EXPH5: variants seen among roughly 807,000 people sequenced by gnomAD.
EXPH5 encodes the protein exophilin 5.
In EXPH5, 42 loss-of-function variants were observed where a neutral mutation model predicts 41.1. That is an observed-to-expected ratio of 1.02 (90% CI 0.80 to 1.32). EXPH5 has a LOEUF of 1.32. EXPH5 is among the 40% of genes most tolerant of loss of function. The pLI, the probability that EXPH5 is intolerant of heterozygous loss-of-function variation, is 0.00. For missense variants in EXPH5, 2,298 were observed against 2,314.5 expected, an observed-to-expected ratio of 0.99 and a Z score of 0.15; for synonymous variants, 798 against 833.5, an observed-to-expected ratio of 0.96 and a Z score of 0.73.
chr11:108,587,138 G>A (rs927549996), intron 1 of EXPH5, among the ~76,000 whole-genome samples: 3 of 151,974 alleles, frequency 2.0e-5, no homozygotes, highest in East Asian at 1.9e-4. Flanking sequence ...TTATTATTAC[G>A]ATACTTTAAG....
intron 3 of EXPH5, among the ~76,000 whole-genome samples, chr11:108,533,771 T>TC (rs1372855005): frequency 6.6e-6 from 1 of 152,088 alleles, no homozygotes; most frequent in Non-Finnish European, 1.5e-5. Context: ...AATTGCACCC[T>TC]CCCCTCTTCA....
intron 4 of EXPH5, among the ~76,000 whole-genome samples, chr11:108,518,866 A>T (rs1000126640): frequency 6.6e-6 from 1 of 152,210 alleles, no homozygotes; most frequent in Non-Finnish European, 1.5e-5. Flanking sequence ...GATGGCAACA[A>T]GACTGACCTC....
At position 108,513,666 on chromosome 11, in the gene EXPH5, G is replaced by C. The variant is rs143161557; in HGVS notation, c.1841C>G (p.Ala614Gly). Reference sequence around the variant, plus strand: ...AGTCTGAGCAATTCCAAATGAGGAAGCTTCTTTGTTTATATGTACTTCTAC... The same window carrying C: ...AGTCTGAGCAATTCCAAATGAGGAACCTTCTTTGTTTATATGTACTTCTAC... ...SPVEVHINKE[A>G]SSFGIAQTLA... is the part of the protein sequence containing the mutation. The change falls in exon 6 of 6, where the codon GCT (alanine) becomes GGT (glycine). Residue 614 changes from alanine to glycine, a missense_variant. Physicochemically the swap from Ala to Gly is moderately conservative, Grantham distance 60. Transcript: ENST00000265843. 1.9e-6 allele frequency: 3 copies of C among 1,611,264 alleles called. No individual in the cohort carries two copies. The highest frequency in any genetic ancestry group is 2.5e-6 in the Non-Finnish European group (3 of 1,179,154).
chr11:108,596,818 G>A (rs1035098001), upstream of EXPH5, among the ~76,000 whole-genome samples: 4 of 152,182 alleles, frequency 2.6e-5, no homozygotes, highest in Non-Finnish European at 5.9e-5. Flanking sequence ...ACAAGGCATT[G>A]GGGACTGCCC....
chr11:108,577,622 C>T (rs1448211011), intron 1 of EXPH5, among the ~76,000 whole-genome samples: 2 of 152,002 alleles, frequency 1.3e-5, no homozygotes, highest in African/African-American at 2.4e-5. Flanking sequence ...AGGGTTTCGC[C>T]GTGTTGCCCA....
rs1565840439 is a variant in EXPH5 at position 108,593,552 on chromosome 11, T to C, written c.-16A>G. On this transcript the variant is annotated 5_prime_UTR_variant, in exon 1 of 6. Transcript: ENST00000265843. The stretch of plus-strand genomic sequence containing the variant: ...CTTTCGTCATTTTCTTTACTGTGTG[T>C]GAGTTACACTTAAGCTCCTTGGCGC... 2 of 1,614,174 alleles carry C rather than the reference T, an allele frequency of 1.2e-6. No homozygotes were observed. Among genetic ancestry groups the C allele is most frequent in the African/African-American group, 1.3e-5 (1 of 75,042 alleles).
At chr11:108,602,321 T>A in the EXPH5 span, among the ~76,000 whole-genome samples, 1 of 152,226 alleles carries the variant, frequency 6.6e-6, no homozygotes, top group Admixed American at 6.5e-5. Flanking sequence ...TTACAGCTGT[T>A]CTTTACCTCT....
intron 1 of EXPH5, among the ~76,000 whole-genome samples, chr11:108,548,308 A>G (rs1307588026): frequency 6.6e-6 from 1 of 152,054 alleles, no homozygotes; most frequent in African/African-American, 2.4e-5. Context: ...TGAGCTGTAC[A>G]AACCTGACTC....
intron 1 of EXPH5, among the ~76,000 whole-genome samples, chr11:108,579,935 C>T (rs955064812): frequency 9.2e-5 from 14 of 151,922 alleles, no homozygotes; most frequent in South Asian, 2.1e-4. Context: ...ATCTTCCCTT[C>T]GAATTAGAGG....
At chr11:108,526,369 T>C (rs2093799133) in intron 4 of EXPH5, among the ~76,000 whole-genome samples, 1 of 152,206 alleles carries the variant, frequency 6.6e-6, no homozygotes, top group Admixed American at 6.5e-5. Flanking sequence ...ACTGTCAAAG[T>C]AAGATGTCTA....
intron 3 of EXPH5, among the ~76,000 whole-genome samples, chr11:108,531,433 T>C (rs997470013): frequency 1.3e-5 from 2 of 152,076 alleles, no homozygotes; most frequent in African/African-American, 4.8e-5. Flanking sequence ...TACAAAAAAT[T>C]AAGAAAATTT....
Position 108,511,497 on chromosome 11 carries a change from C to G in EXPH5, c.4010G>C (p.Arg1337Thr), listed in dbSNP as rs1309032712. The change falls in exon 6 of 6, where the codon AGG (arginine) becomes ACG (threonine). Residue 1337 changes from arginine to threonine, a missense_variant. Transcript: ENST00000265843. ...CTGTAATGTAGGAGCTAGGGGCCCCCTATTTGATAATCGGAAGGCAGTCAT... is the reference window on the plus strand; with the variant it reads ...CTGTAATGTAGGAGCTAGGGGCCCCGTATTTGATAATCGGAAGGCAGTCAT... ...ENMTAFRLSN[R>T]GPLAPTLQEM... The G allele has an allele frequency of 6.3e-7, 1 of 1,591,104 alleles. No individual in the cohort carries two copies. Among genetic ancestry groups the G allele is most frequent in the Non-Finnish European group, 8.5e-7 (1 of 1,171,874 alleles).
chr11:108,590,865 C>T (rs946684666), intron 1 of EXPH5, among the ~76,000 whole-genome samples: 2 of 152,106 alleles, frequency 1.3e-5, no homozygotes, highest in African/African-American at 4.8e-5. Context: ...GTTGGTCAGG[C>T]TGGTCTCAAA....
the EXPH5 span, among the ~76,000 whole-genome samples, chr11:108,601,761 T>C: frequency 4.6e-5 from 7 of 152,242 alleles, no homozygotes; most frequent in East Asian, 9.6e-4. Flanking sequence ...TTTTTATTTT[T>C]ATTTTTCTAC....
Position 108,510,878 on chromosome 11 carries a change from T to C in EXPH5, c.4629A>G (p.Arg1543=). 3 of 1,614,214 alleles carry C rather than the reference T, an allele frequency of 1.9e-6. No homozygotes were observed. Among genetic ancestry groups the C allele is most frequent in the Non-Finnish European group, 2.5e-6 (3 of 1,180,032 alleles). ...TCTCTGTCATATTTGCCTCCTGACT[T>C]CTTTGAGGTAATTCTCTTGGTTCAG... is the stretch of plus-strand genomic sequence containing the variant. The part of the protein sequence containing the change: ...LQSEPRELPQ[R]SQEANMTESR... Residue 1543 remains arginine, a synonymous_variant, in exon 6 of 6, where the codon AGA becomes AGG. Coordinates refer to ENST00000265843, the MANE Select transcript of EXPH5 (RefSeq NM_015065.3).
the EXPH5 span, among the ~76,000 whole-genome samples, chr11:108,602,280 A>AT: frequency 3.3e-5 from 5 of 152,194 alleles, no homozygotes; most frequent in African/African-American, 1.2e-4. Flanking sequence ...ACAGATATTT[A>AT]TTAGGCACCT....
chr11:108,532,366 A>ATATATATATT (rs1555192606), intron 3 of EXPH5, among the ~76,000 whole-genome samples: 1 of 32,144 alleles, frequency 3.1e-5, no homozygotes, highest in African/African-American at 2.0e-4. Flanking sequence ...ATATATATAT[A>ATATATATATT]TTTTTTTTTT....
intron 1 of EXPH5, among the ~76,000 whole-genome samples, chr11:108,555,063 T>A (rs11212704): frequency 6.6e-6 from 1 of 152,152 alleles, no homozygotes; most frequent in South Asian, 2.1e-4. Flanking sequence ...CACAGCATGA[T>A]CATGAGAAAA....
Position 108,510,469 on chromosome 11 carries a change from T to C in EXPH5, c.5038A>G (p.Asn1680Asp), listed in dbSNP as rs1269805137. 1.2e-6 allele frequency: 2 copies of C among 1,614,146 alleles called. No homozygotes were observed. The highest frequency in any genetic ancestry group is 1.7e-6 in the Non-Finnish European group (2 of 1,180,016). ...ENLLPITVLP[N>D]REPSTHVSNQ... Reference sequence around the variant, plus strand: ...CTGACGTGTGTAGAAGGTTCTCTGTTGGGTAGTACAGTAATGGGGAGAAGG... The same window carrying C: ...CTGACGTGTGTAGAAGGTTCTCTGTCGGGTAGTACAGTAATGGGGAGAAGG... Residue 1680 changes from asparagine to aspartate, a missense_variant, in exon 6 of 6, where the codon AAC (asparagine) becomes GAC (aspartate). By Grantham distance (23) the Asn-to-Asp change is conservative. Coordinates refer to ENST00000265843, the MANE Select transcript of EXPH5 (RefSeq NM_015065.3).
Sources: gnomAD v4.1 joint callset for allele counts (sites outside exome capture counted in the v4.1 genomes callset) on GRCh38, gnomAD v4.1.1 for gene constraint, MANE v1.5 for transcripts, NCBI Gene and HGNC (gene_info 2026-07-23, HGNC 2026-07-21) for gene names.